Variants in CACNB2 observed in about 807,000 individuals in gnomAD.
CACNB2 encodes the protein voltage-dependent L-type calcium channel subunit beta-2.
Under a neutral mutation model 73.3 loss-of-function variants are expected in CACNB2, and 42 were observed. The ratio of observed to expected loss-of-function variants is 0.57; its 90% CI spans 0.45 to 0.74. The LOEUF is 0.74. Among genes scored for constraint, CACNB2 ranks in the 30% least tolerant of loss-of-function variants. The probability of loss-of-function intolerance (pLI) is 0.00; values close to 1 mark genes in which losing one functional copy is unlikely to be tolerated. For missense variants in CACNB2, 940 were observed against 853.0 expected (o/e 1.10, Z -1.27); for synonymous variants, 348 against 310.3 (o/e 1.12, Z -1.28).
chr10:18,260,572 G>A (rs2037491228), intron 2 of CACNB2: 2 of 985,890 alleles, frequency 2.0e-6, no homozygotes, highest in Middle Eastern at 5.2e-4. Flanking sequence ...CGGTTTGGAG[G>A]ATGTTTCTGT....
At chr10:18,295,872 T>C (rs1445659307) in intron 2 of CACNB2, among the ~76,000 whole-genome samples, 1 of 152,150 alleles carries the variant, frequency 6.6e-6, no homozygotes, top group East Asian at 1.9e-4. Context: ...CATTGACTCA[T>C]TTTTGAAGGG....
At chr10:18,414,613 T>A (rs2044834989) in intron 3 of CACNB2, among the ~76,000 whole-genome samples, 1 of 151,742 alleles carries the variant, frequency 6.6e-6, no homozygotes, top group Non-Finnish European at 1.5e-5. Flanking sequence ...GCCTCCCAAG[T>A]TGCTAGGATT....
intron 2 of CACNB2, among the ~76,000 whole-genome samples, chr10:18,209,975 A>T (rs1564345453): frequency 6.6e-6 from 1 of 152,188 alleles, no homozygotes; most frequent in Admixed American, 6.5e-5. Context: ...GAGAAAGAAA[A>T]GGATGTATTT....
At chr10:18,378,513 C>T (rs1030500897) in intron 2 of CACNB2, among the ~76,000 whole-genome samples, 4 of 152,136 alleles carry the variant, frequency 2.6e-5, no homozygotes, top group Non-Finnish European at 4.4e-5. Flanking sequence ...CTTTGGGAGG[C>T]TAAGGCAGGG....
At chr10:18,362,045 T>C (rs2042164373) in intron 2 of CACNB2, among the ~76,000 whole-genome samples, 1 of 152,202 alleles carries the variant, frequency 6.6e-6, no homozygotes, top group Non-Finnish European at 1.5e-5. Flanking sequence ...CCCAGGCTGA[T>C]CTCAAGCTCC....
At chr10:18,425,278 G>T (rs2045537122) in intron 3 of CACNB2, among the ~76,000 whole-genome samples, 1 of 152,082 alleles carries the variant, frequency 6.6e-6, no homozygotes. Context: ...ATTTGTAGCT[G>T]CTCTTGTCAC....
At chr10:18,414,021 C>G (rs1255455646) in intron 3 of CACNB2, among the ~76,000 whole-genome samples, 1 of 152,218 alleles carries the variant, frequency 6.6e-6, no homozygotes, top group Non-Finnish European at 1.5e-5. Context: ...TGGTCACTAT[C>G]AGCTTAGTTG....
intron 3 of CACNB2, among the ~76,000 whole-genome samples, chr10:18,456,462 T>C (rs1245784170): frequency 1.3e-5 from 2 of 152,074 alleles, no homozygotes; most frequent in African/African-American, 4.8e-5. Flanking sequence ...AGACTCCATC[T>C]CAAGAAAATA....
Position 18,465,722 on chromosome 10 carries a change from A to G in CACNB2, c.334-32633A>G, listed in dbSNP as rs374799167. Reference sequence around the variant, plus strand: ...TTCAAGATGGCCTCTCCCTTTGTCAACCATGCTAGAGTGCAGTGGCATGAT... The same window carrying G: ...TTCAAGATGGCCTCTCCCTTTGTCAGCCATGCTAGAGTGCAGTGGCATGAT... On this transcript the variant is annotated intron_variant, in intron 3 of 13. Coordinates refer to ENST00000324631, the MANE Select transcript of CACNB2 (RefSeq NM_201596.3). Among the ~76,000 whole-genome samples, 102 of 150,700 alleles carry G rather than the reference A, an allele frequency of 6.8e-4. 4 individuals are homozygous for G. In the South Asian group the frequency reaches 0.021, roughly 30 times the overall value.
At chr10:18,537,334 A>C (rs529468209) in intron 12 of CACNB2, among the ~76,000 whole-genome samples, 1 of 152,106 alleles carries the variant, frequency 6.6e-6, no homozygotes, top group Admixed American at 6.6e-5. Flanking sequence ...TAAATATTTG[A>C]TTGCTTAATA....
intron 2 of CACNB2, among the ~76,000 whole-genome samples, chr10:18,356,141 C>A (rs548750522): frequency 6.6e-6 from 1 of 152,176 alleles, no homozygotes; most frequent in Non-Finnish European, 1.5e-5. Context: ...CCCTTCCCAC[C>A]TTCCCCGCTG....
chr10:18,504,706 G>A (rs992128687), intron 5 of CACNB2, among the ~76,000 whole-genome samples: 2 of 152,000 alleles, frequency 1.3e-5, no homozygotes, highest in African/African-American at 2.4e-5. Context: ...GTGCAGTGGC[G>A]CAGTCTCGAC....
chr10:18,311,223 T>C (rs1005845104), intron 2 of CACNB2, among the ~76,000 whole-genome samples: 63 of 152,342 alleles, frequency 4.1e-4, no homozygotes, highest in African/African-American at 1.4e-3. Flanking sequence ...TATCTGCTTT[T>C]ACTTATTTGT....
rs1416633354 is a variant in CACNB2, at chr10:18,498,369, A to C, written c.348A>C (p.Ala116=). ...QLEKAKTKPV[A]FAVRTNVSYS... is the part of the protein sequence containing the mutation. Reference sequence around the variant, plus strand: ...TCCCACTTTAGACAAAGCCCGTTGCATTTGCGGTTCGGACAAATGTCAGCT... The same window carrying C: ...TCCCACTTTAGACAAAGCCCGTTGCCTTTGCGGTTCGGACAAATGTCAGCT... The change falls in exon 4 of 14, where the codon GCA becomes GCC. Residue 116 remains alanine (A), a synonymous_variant. Coordinates refer to ENST00000324631, the MANE Select transcript of CACNB2 (RefSeq NM_201596.3). 1.2e-6 allele frequency: 2 copies of C among 1,613,964 alleles called. No individual in the cohort carries two copies. Among genetic ancestry groups the C allele is most frequent in the African/African-American group, 2.7e-5 (2 of 74,906 alleles).
At chr10:18,159,606 C>T (rs1017182499) in intron 2 of CACNB2, among the ~76,000 whole-genome samples, 7 of 152,180 alleles carry the variant, frequency 4.6e-5, no homozygotes, top group African/African-American at 1.7e-4. Flanking sequence ...TCTCTCAGTA[C>T]CTTGTTCTTG....
chr10:18,454,558 C>G (rs2047177892), intron 3 of CACNB2, among the ~76,000 whole-genome samples: 2 of 152,140 alleles, frequency 1.3e-5, no homozygotes, highest in Admixed American at 6.5e-5. Context: ...ATGAGATTGC[C>G]CCTGTTGGGA....
chr10:18,283,230 A>G (rs2038631299), intron 2 of CACNB2, among the ~76,000 whole-genome samples: 1 of 152,198 alleles, frequency 6.6e-6, no homozygotes, highest in South Asian at 2.1e-4. Flanking sequence ...TGGGAGTGTA[A>G]ACTAGTTCAA....
At chr10:18,320,030 T>G (rs1014714344) in intron 2 of CACNB2, among the ~76,000 whole-genome samples, 3 of 152,128 alleles carry the variant, frequency 2.0e-5, no homozygotes, top group African/African-American at 7.2e-5. Flanking sequence ...TTTGGCTCCT[T>G]CTGAAGGCAT....
At chr10:18,238,922 A>G (rs1019224392) in intron 2 of CACNB2, among the ~76,000 whole-genome samples, 2 of 152,196 alleles carry the variant, frequency 1.3e-5, no homozygotes, top group Non-Finnish European at 2.9e-5. Flanking sequence ...AAACTCCTAC[A>G]ATTGTGAAGT....
Sources: allele counts gnomAD v4.1 joint callset (sites outside exome capture counted in the v4.1 genomes callset), GRCh38; gene constraint gnomAD v4.1.1; transcripts MANE v1.5; gene names NCBI Gene and HGNC (gene_info 2026-07-23, HGNC 2026-07-21).